CBFA2T2: variants seen among roughly 807,000 people sequenced by gnomAD.
CBFA2T2 encodes protein CBFA2T2.
CBFA2T2 carries 11 observed loss-of-function variants against 62.2 expected under a neutral mutation model. The ratio of observed to expected loss-of-function variants is 0.18; its 90% CI spans 0.11 to 0.29. The LOEUF is 0.29. Among genes scored for constraint, CBFA2T2 ranks in the 10% least tolerant of loss-of-function variants. CBFA2T2 has a pLI of 1.00. For missense variants in CBFA2T2, 592 were observed against 774.1 expected (o/e 0.76, Z 2.79); for synonymous variants, 295 against 287.5 (o/e 1.03, Z -0.27).
At chr20:33,625,109 C>A in intron 6 of CBFA2T2, 92 bp downstream of exon 6, 1 of 1,277,408 alleles carries the variant, frequency 7.8e-7, no homozygotes, top group Non-Finnish European at 1.1e-6. Flanking sequence ...ATTGCTTTTT[C>A]CCACTGATTG....
intron 3 of CBFA2T2, among the ~76,000 whole-genome samples, chr20:33,614,802 C>A (rs1220736218): frequency 6.6e-6 from 1 of 152,034 alleles, no homozygotes; most frequent in Admixed American, 6.6e-5. Flanking sequence ...TCTGTTAATT[C>A]CCCAATGGAC....
In CBFA2T2 at chr20:33,563,699, G is replaced by A. The variant is rs535944155; in HGVS notation, c.35-43257G>A. On this transcript the variant is annotated intron_variant, in intron 1 of 10. Coordinates refer to ENST00000342704, the MANE Select transcript of CBFA2T2 (RefSeq NM_001032999.3). ...CTATTTTGTGTAATTCCTGACTGAT[G>A]TTGTTATTGGGGAAATTTGTCTGGC... Among the ~76,000 whole-genome samples the A allele has an allele frequency of 8.5e-5, 13 of 152,216 alleles. No individual in the cohort carries two copies. In the South Asian group the frequency reaches 2.5e-3, roughly 29 times the overall value.
intron 1 of CBFA2T2, among the ~76,000 whole-genome samples, chr20:33,505,017 TG>T (rs2011377007): frequency 2.0e-5 from 3 of 152,222 alleles, no homozygotes; most frequent in Admixed American, 1.3e-4. Flanking sequence ...CTACCATTTG[TG>T]TATCAGAACA....
intron 1 of CBFA2T2, among the ~76,000 whole-genome samples, chr20:33,529,345 C>T (rs544438764): frequency 2.0e-4 from 30 of 152,128 alleles, no homozygotes; most frequent in African/African-American, 6.5e-4. Flanking sequence ...TTTTACCTTA[C>T]GACATTTTCT....
intron 8 of CBFA2T2, among the ~76,000 whole-genome samples, chr20:33,630,919 C>T (rs556661364): frequency 3.3e-5 from 5 of 152,330 alleles, no homozygotes; most frequent in African/African-American, 1.2e-4. Context: ...ACAGCAGCAG[C>T]TCTGGAGCCA....
At chr20:33,631,268 C>T (rs1365954707) in intron 8 of CBFA2T2, among the ~76,000 whole-genome samples, 5 of 152,172 alleles carry the variant, frequency 3.3e-5, no homozygotes, top group Admixed American at 2.0e-4. Flanking sequence ...GAGCCGAGAT[C>T]GCGCCATTGC....
At chr20:33,557,473 T>C (rs1017190771) in intron 1 of CBFA2T2, among the ~76,000 whole-genome samples, 3 of 151,680 alleles carry the variant, frequency 2.0e-5, no homozygotes, top group Non-Finnish European at 4.4e-5. Context: ...CTAGGAAGTG[T>C]ATGTATGAAA....
chr20:33,558,069 C>T (rs893434517), intron 1 of CBFA2T2, among the ~76,000 whole-genome samples: 1 of 151,012 alleles, frequency 6.6e-6, no homozygotes, highest in Non-Finnish European at 1.5e-5. Flanking sequence ...CCTCGTGATC[C>T]ACTCGTCTCG....
intron 1 of CBFA2T2, among the ~76,000 whole-genome samples, chr20:33,506,831 G>C (rs1256865076): frequency 6.6e-6 from 1 of 152,186 alleles, no homozygotes; most frequent in African/African-American, 2.4e-5. Flanking sequence ...CACTTGGCTA[G>C]CTATGAGTTT....
At chr20:33,544,931 T>TGAATAGAATAGAACA (rs1309987839) in intron 1 of CBFA2T2, among the ~76,000 whole-genome samples, 1 of 136,980 alleles carries the variant, frequency 7.3e-6, no homozygotes, top group Non-Finnish European at 1.5e-5. Flanking sequence ...CATGCATGAG[T>TGAATAGAATAGAACA]GAATAGAATA....
chr20:33,510,733 C>G (rs2011496016), intron 1 of CBFA2T2, among the ~76,000 whole-genome samples: 1 of 152,140 alleles, frequency 6.6e-6, no homozygotes, highest in Admixed American at 6.5e-5. Context: ...AATGGTTGAA[C>G]TAGTTTACAC....
At chr20:33,579,444 A>C (rs2014003149) in intron 1 of CBFA2T2, among the ~76,000 whole-genome samples, 1 of 151,980 alleles carries the variant, frequency 6.6e-6, no homozygotes, top group Non-Finnish European at 1.5e-5. Flanking sequence ...CAGTCTTAAA[A>C]ATTTTATGGT....
chr20:33,631,257 T>G (rs928026463), intron 8 of CBFA2T2, among the ~76,000 whole-genome samples: 2 of 152,126 alleles, frequency 1.3e-5, no homozygotes, highest in Non-Finnish European at 2.9e-5. Context: ...GAGCTTGCAG[T>G]GAGCCGAGAT....
intron 1 of CBFA2T2, among the ~76,000 whole-genome samples, chr20:33,561,025 G>A (rs1388629514): frequency 6.6e-6 from 1 of 152,014 alleles, no homozygotes; most frequent in Non-Finnish European, 1.5e-5. Context: ...TTACAGGTGC[G>A]TACCAACACG....
intron 3 of CBFA2T2, among the ~76,000 whole-genome samples, chr20:33,617,520 T>G (rs2015755309): frequency 6.6e-6 from 1 of 152,246 alleles, no homozygotes; most frequent in Non-Finnish European, 1.5e-5. Flanking sequence ...TATTTCCCTG[T>G]GTCACACAAT....
intron 1 of CBFA2T2, among the ~76,000 whole-genome samples, chr20:33,498,373 TCCCAA>T (rs2011227328): frequency 6.6e-6 from 1 of 151,860 alleles, no homozygotes; most frequent in Non-Finnish European, 1.5e-5. Flanking sequence ...TGCCTCAGCT[TCCCAA>T]GTCGCTGGGT....
intron 1 of CBFA2T2, among the ~76,000 whole-genome samples, chr20:33,566,704 TAGA>T (rs2013330142): frequency 6.6e-6 from 1 of 152,190 alleles, no homozygotes; most frequent in Admixed American, 6.5e-5. Flanking sequence ...GATCAGAATT[TAGA>T]AGGACAGGAA....
In CBFA2T2 at chr20:33,503,260, T is replaced by TTC. The variant is rs1449302706; in HGVS notation, c.34+12960_34+12961insCT. On this transcript the variant is annotated intron_variant, in intron 1 of 10. Transcript: ENST00000342704. ...TAAATTTCTTTCTTTCTTTCTTTTT[T>TTC]TTTTTTTTTTTTGAGATGGAGTCTC... 4.1e-3 allele frequency among the ~76,000 whole-genome samples: 576 copies of TTC among 141,772 alleles called. 4 individuals carry two copies. Among genetic ancestry groups the TTC allele is most frequent in the South Asian group, 0.027 (116 of 4,282 alleles). The allele number at this position is 141,772 out of a possible 152,430, so 93.0% of individuals were successfully genotyped here.
At chr20:33,536,732 G>A (rs1268288086) in intron 1 of CBFA2T2, among the ~76,000 whole-genome samples, 2 of 150,274 alleles carry the variant, frequency 1.3e-5, no homozygotes, top group Non-Finnish European at 3.0e-5. Flanking sequence ...CCCAGACGGG[G>A]CGGCGGGGCA....
Sources: gnomAD v4.1 joint callset for allele counts (sites outside exome capture counted in the v4.1 genomes callset) on GRCh38, gnomAD v4.1.1 for gene constraint, MANE v1.5 for transcripts, NCBI Gene and HGNC (gene_info 2026-07-23, HGNC 2026-07-21) for gene names.